Variants in CDH18 observed in about 807,000 individuals in gnomAD.
The protein encoded by CDH18 is cadherin-18.
Under a neutral mutation model 67.9 loss-of-function variants are expected in CDH18, and 31 were observed. The ratio of observed to expected loss-of-function variants is 0.46; its 90% CI spans 0.34 to 0.62. The LOEUF is 0.62. CDH18 is among the 20% of genes least tolerant of loss of function. The pLI is 0.01. For missense variants in CDH18, 890 were observed against 975.5 expected, an observed-to-expected ratio of 0.91 and a Z score of 1.17; for synonymous variants, 362 against 347.2, an observed-to-expected ratio of 1.04 and a Z score of -0.48.
At chr5:19,936,939 C>CAAAAAAAAAAA in intron 2 of CDH18, among the ~76,000 whole-genome samples, 1 of 150,938 alleles carries the variant, frequency 6.6e-6, no homozygotes, top group Non-Finnish European at 1.5e-5. Flanking sequence ...TTTTCAGTTT[C>CAAAAAAAAAAA]AAAAAATACT....
At chr5:19,700,336 T>TA (rs1763076002) in intron 5 of CDH18, among the ~76,000 whole-genome samples, 1 of 152,148 alleles carries the variant, frequency 6.6e-6, no homozygotes. Context: ...AAAAGTATAG[T>TA]AAAATCATAA....
At chr5:19,662,510 G>T (rs761060587) in intron 5 of CDH18, among the ~76,000 whole-genome samples, 1 of 151,978 alleles carries the variant, frequency 6.6e-6, no homozygotes, top group Non-Finnish European at 1.5e-5. Flanking sequence ...GTACGTAATT[G>T]TACAGTTTAT....
intron 3 of CDH18, among the ~76,000 whole-genome samples, chr5:19,758,597 C>T (rs1416775481): frequency 1.3e-5 from 2 of 152,184 alleles, no homozygotes; most frequent in Non-Finnish European, 2.9e-5. Flanking sequence ...AATAAATGGG[C>T]CAGAGTAACA....
intron 8 of CDH18, among the ~76,000 whole-genome samples, chr5:19,569,615 TATA>T (rs1259266002): frequency 6.6e-6 from 1 of 152,134 alleles, no homozygotes; most frequent in East Asian, 1.9e-4. Flanking sequence ...TGAGGACTAC[TATA>T]ATATCGCACG....
At position 19,490,394 on chromosome 5, in the gene CDH18, G is replaced by GTTTTT. The variant is rs70950073; in HGVS notation, c.1631-6847_1631-6843dup. Among the ~76,000 whole-genome samples the GTTTTT allele has an allele frequency of 3.9e-3, 235 of 60,216 alleles. 29 individuals carry two copies. The highest frequency in any genetic ancestry group is 5.6e-3 in the Non-Finnish European group (188 of 33,508). 39.5% of individuals were successfully genotyped at this position (60,216 alleles called of 152,430 possible). ...TGATATATCACATATATAAAAATCT[G>GTTTTT]TTTTTTTTTTTTTTTTTTTTTTTTT... On this transcript the variant is annotated intron_variant, in intron 11 of 12. Transcript: ENST00000382275.
intron 1 of CDH18, among the ~76,000 whole-genome samples, chr5:20,431,504 A>AAAGAAGAAG (rs1553997937): frequency 6.5e-5 from 9 of 138,808 alleles, no homozygotes; most frequent in Middle Eastern, 7.7e-3. Flanking sequence ...AAAAAAAAAA[A>AAAGAAGAAG]AAGAAGAAGA....
At chr5:20,128,770 T>C (rs1749029922) in intron 2 of CDH18, among the ~76,000 whole-genome samples, 3 of 152,236 alleles carry the variant, frequency 2.0e-5, no homozygotes, top group African/African-American at 7.2e-5. Context: ...TTAAAGAAAA[T>C]TTAAGAAACA....
chr5:19,505,896 C>T lies in CDH18; in HGVS notation c.1513-2787G>A, dbSNP rs1466753247. ...TGGAATAGTTTCAGAAGGAATGGTA[C>T]CAGCTCCTCTTTGTACCTCTGGTAG... On this transcript the variant is annotated intron_variant, in intron 10 of 12. Transcript: ENST00000382275. Among the ~76,000 whole-genome samples, 6 of 152,186 alleles carry T rather than the reference C, an allele frequency of 3.9e-5. No individual in the cohort carries two copies. The East Asian group carries it at 5.8e-4, about 15-fold the overall frequency.
At chr5:20,123,607 G>T (rs528844291) in intron 2 of CDH18, among the ~76,000 whole-genome samples, 2 of 152,140 alleles carry the variant, frequency 1.3e-5, no homozygotes, top group Non-Finnish European at 2.9e-5. Flanking sequence ...AGGTCGGCCC[G>T]GCGCGGTGGC....
In CDH18 at chr5:20,005,480, A is replaced by G. The variant is rs79223400; in HGVS notation, c.-517-13466T>C. On this transcript the variant is annotated intron_variant, in intron 2 of 14. Coordinates refer to the CDH18 transcript ENST00000507958. ...ATGAATTGATAAATTGATTCTTATGATTAAATAAGTTTGAGAAATGACCAT... is the reference window on the plus strand; with the variant it reads ...ATGAATTGATAAATTGATTCTTATGGTTAAATAAGTTTGAGAAATGACCAT... 0.022 allele frequency among the ~76,000 whole-genome samples: 3,359 copies of G among 151,598 alleles called. 181 individuals are homozygous for G. The East Asian group carries it at 0.25, about 11-fold the overall frequency.
chr5:20,111,088 T>C (rs1212141477), intron 2 of CDH18, among the ~76,000 whole-genome samples: 1 of 152,208 alleles, frequency 6.6e-6, no homozygotes, highest in Admixed American at 6.5e-5. Context: ...AGGATAATAG[T>C]TATTTTTCAA....
At chr5:20,070,972 T>C (rs1235655758) in intron 2 of CDH18, among the ~76,000 whole-genome samples, 1 of 152,152 alleles carries the variant, frequency 6.6e-6, no homozygotes, top group African/African-American at 2.4e-5. Context: ...TTTCCTAAAA[T>C]CTGAGGTGAA....
chr5:19,749,993 G>A (rs1051843757), intron 3 of CDH18, among the ~76,000 whole-genome samples: 2 of 151,990 alleles, frequency 1.3e-5, no homozygotes, highest in South Asian at 2.1e-4. Context: ...AAAATATCAT[G>A]AAAATGTATT....
Position 20,274,772 on chromosome 5 carries a change from C to G in CDH18, c.-579-19267G>C, listed in dbSNP as rs563904605. On this transcript the variant is annotated intron_variant, in intron 1 of 14. Transcript: ENST00000507958. ...CATTCTAGAAAACATTGGCTTTTGG[C>G]GTATTATCATACTTTGAGAACATCT... 2.6e-5 allele frequency among the ~76,000 whole-genome samples: 4 copies of G among 152,020 alleles called. No homozygotes were observed. In the South Asian group the frequency reaches 8.3e-4, roughly 31 times the overall value.
chr5:19,526,365 T>C lies in CDH18; in HGVS notation c.1391-5587A>G, dbSNP rs558806896. Reference sequence around the variant, plus strand: ...GTCATCAGAGTGCCCCCTCTAGAGATAGTGATACAGAGAAAGTGCTATTGC... The same window carrying C: ...GTCATCAGAGTGCCCCCTCTAGAGACAGTGATACAGAGAAAGTGCTATTGC... On this transcript the variant is annotated intron_variant, in intron 9 of 12. Transcript: ENST00000382275. Among the ~76,000 whole-genome samples the C allele has an allele frequency of 1.4e-4, 22 of 152,244 alleles. No individual in the cohort carries two copies. In the South Asian group the frequency reaches 4.1e-3, roughly 29 times the overall value.
intron 2 of CDH18, among the ~76,000 whole-genome samples, chr5:19,860,529 C>T (rs543281355): frequency 3.3e-5 from 5 of 150,146 alleles, no homozygotes; most frequent in Admixed American, 6.7e-5. Flanking sequence ...TAAAAAAATA[C>T]CATTTTTATA....
At chr5:20,131,878 T>G (rs1271383037) in intron 2 of CDH18, among the ~76,000 whole-genome samples, 1 of 152,154 alleles carries the variant, frequency 6.6e-6, no homozygotes, top group African/African-American at 2.4e-5. Context: ...TAAAGTGTTT[T>G]TTTTTGTTGT....
At chr5:19,882,425 A>C (rs1787754606) in intron 2 of CDH18, among the ~76,000 whole-genome samples, 1 of 152,136 alleles carries the variant, frequency 6.6e-6, no homozygotes, top group African/African-American at 2.4e-5. Context: ...AAGTTATGTC[A>C]AAAAGTTTAA....
chr5:19,735,806 C>T (rs1581122197), intron 4 of CDH18, among the ~76,000 whole-genome samples: 1 of 152,130 alleles, frequency 6.6e-6, no homozygotes, highest in Non-Finnish European at 1.5e-5. Flanking sequence ...GTCTTGCCTG[C>T]CTTTCTATAA....
Sources: allele counts gnomAD v4.1 joint callset (sites outside exome capture counted in the v4.1 genomes callset), GRCh38; gene constraint gnomAD v4.1.1; transcripts MANE v1.5; gene names NCBI Gene and HGNC (gene_info 2026-07-23, HGNC 2026-07-21).